ARHGAP20: variants seen among roughly 807,000 people sequenced by gnomAD.
ARHGAP20 encodes rho GTPase-activating protein 20.
Under a neutral mutation model 73.7 loss-of-function variants are expected in ARHGAP20, and 34 were observed. The ratio of observed to expected loss-of-function variants is 0.46; its 90% CI spans 0.35 to 0.61. The LOEUF (loss-of-function observed/expected upper bound fraction) is 0.61. ARHGAP20 is among the 20% of genes least tolerant of loss of function. ARHGAP20 has a pLI of 0.00. For missense variants in ARHGAP20, 1,314 were observed against 1,420.9 expected (o/e 0.92, Z 1.21); for synonymous variants, 523 against 518.2 (o/e 1.01, Z -0.13).
intron 9 of ARHGAP20, among the ~76,000 whole-genome samples, chr11:110,593,107 CAGAT>C (rs999764447): frequency 2.0e-5 from 3 of 152,154 alleles, no homozygotes; most frequent in East Asian, 1.9e-4. Flanking sequence ...AAGATTTTAA[CAGAT>C]AGAGCATCTG....
chr11:110,672,539 T>C (rs1288808592), intron 2 of ARHGAP20, among the ~76,000 whole-genome samples: 1 of 151,956 alleles, frequency 6.6e-6, no homozygotes, highest in Non-Finnish European at 1.5e-5. Context: ...CCGCCCCTCA[T>C]GTTCAAACGA....
At chr11:110,692,277 A>G (rs1437339015) in intron 1 of ARHGAP20, among the ~76,000 whole-genome samples, 2 of 152,148 alleles carry the variant, frequency 1.3e-5, no homozygotes, top group Non-Finnish European at 2.9e-5. Context: ...AAGAGTCTCA[A>G]TACTGAAAGA....
intron 11 of ARHGAP20, 36 bp downstream of exon 11, chr11:110,590,612 A>G: frequency 1.3e-6 from 2 of 1,580,812 alleles, no homozygotes; most frequent in Non-Finnish European, 1.7e-6. Flanking sequence ...CTCTAGAGCT[A>G]CACCATGGGG....
intron 11 of ARHGAP20, chr11:110,589,699 C>T (rs1947772726): frequency 2.0e-6 from 2 of 985,364 alleles, no homozygotes; most frequent in Non-Finnish European, 1.2e-6. Context: ...TTAGAACTCT[C>T]TATCTCTGTA....
intron 1 of ARHGAP20, among the ~76,000 whole-genome samples, chr11:110,701,969 T>C (rs562383046): frequency 3.9e-5 from 6 of 152,348 alleles, no homozygotes; most frequent in Admixed American, 1.3e-4. Flanking sequence ...AGTACCATGC[T>C]GTTTTGGTAA....
intron 2 of ARHGAP20, among the ~76,000 whole-genome samples, chr11:110,684,345 T>C (rs1319511632): frequency 6.6e-6 from 1 of 151,986 alleles, no homozygotes; most frequent in African/African-American, 2.4e-5. Context: ...TTCAAAATTC[T>C]TTCTTAAAAA....
At chr11:110,650,183 G>A in intron 2 of ARHGAP20, among the ~76,000 whole-genome samples, 1 of 152,082 alleles carries the variant, frequency 6.6e-6, no homozygotes, top group Non-Finnish European at 1.5e-5. Context: ...TTCCCCAGCT[G>A]GATGGTAAGC....
chr11:110,682,904 G>C (rs1950063084), intron 2 of ARHGAP20, among the ~76,000 whole-genome samples: 1 of 152,076 alleles, frequency 6.6e-6, no homozygotes, highest in Non-Finnish European at 1.5e-5. Flanking sequence ...AATCAGGATG[G>C]AGTGCCAACA....
At chr11:110,643,361 G>C (rs1161612007) in intron 2 of ARHGAP20, among the ~76,000 whole-genome samples, 1 of 152,062 alleles carries the variant, frequency 6.6e-6, no homozygotes, top group African/African-American at 2.4e-5. Context: ...TGTGACGTTA[G>C]ATTGTTAATT....
Position 110,712,226 on chromosome 11 carries a change from T to C in ARHGAP20, c.6A>G (p.Glu2=). The C allele has an allele frequency of 7.4e-7, 1 of 1,352,098 alleles. No individual in the cohort carries two copies. The highest frequency in any genetic ancestry group is 2.3e-5 in the South Asian group (1 of 44,386). The allele number at this position is 1,352,098 out of a possible 1,614,324, so 83.8% of individuals were successfully genotyped here. M[E]AMSPQQETLG... ...GAGTCTCCTGCTGGGGGGACATCGC[T>C]TCCATGAAGAAAATCTTCAAACAAA... Residue 2 remains glutamate (E), a synonymous_variant, in exon 1 of 15, where the codon GAA becomes GAG. Coordinates refer to ENST00000683387, the MANE Select transcript of ARHGAP20 (RefSeq NM_001384657.1).
intron 3 of ARHGAP20, among the ~76,000 whole-genome samples, chr11:110,624,903 AACTTCAAATGT>A (rs1167610780): frequency 6.6e-6 from 1 of 152,174 alleles, no homozygotes; most frequent in African/African-American, 2.4e-5. Flanking sequence ...TCAAAAACCT[AACTTCAAATGT>A]ACTGCTGTTA....
At chr11:110,694,474 A>G (rs1442973664) in intron 1 of ARHGAP20, among the ~76,000 whole-genome samples, 1 of 151,818 alleles carries the variant, frequency 6.6e-6, no homozygotes, top group Admixed American at 6.6e-5. Flanking sequence ...AATAAAGGTC[A>G]TAACTGAATA....
chr11:110,605,465 C>G (rs1463823649), intron 9 of ARHGAP20, among the ~76,000 whole-genome samples: 2 of 152,090 alleles, frequency 1.3e-5, no homozygotes, highest in African/African-American at 4.8e-5. Context: ...ACTTTAAATG[C>G]ATTAGAGAAG....
chr11:110,684,566 G>A (rs1950095876), intron 2 of ARHGAP20, among the ~76,000 whole-genome samples: 1 of 151,908 alleles, frequency 6.6e-6, no homozygotes, highest in South Asian at 2.1e-4. Context: ...TCCCATTACT[G>A]GATATCTAAA....
chr11:110,621,155 T>A (rs971539784), intron 4 of ARHGAP20, among the ~76,000 whole-genome samples: 8 of 151,558 alleles, frequency 5.3e-5, no homozygotes, highest in Admixed American at 1.3e-4. Context: ...TAATTCAAAT[T>A]GTCATTTTCC....
rs779591475 is a variant in ARHGAP20, at chr11:110,581,162, T to C, written c.1784A>G (p.Asp595Gly). 4.3e-6 allele frequency: 7 copies of C among 1,614,146 alleles called. No homozygotes were observed. In the Admixed American group the frequency reaches 1.2e-4, roughly 27 times the overall value. ...CAAGTCACTGCATGGTGCATCAACA[T>C]CCTCATTTAGCTCATTTTCCAAGCT... ...YDSLENELNEDVDAPCSDLVK... is the reference protein window; with the variant it reads ...YDSLENELNEGVDAPCSDLVK... The change falls in exon 15 of 15, where the codon GAT becomes GGT. Residue 595 changes from aspartate to glycine, a missense_variant. Physicochemically the swap from Asp to Gly is moderately conservative, Grantham distance 94 (BLOSUM62 -1). Coordinates refer to ENST00000683387, the MANE Select transcript of ARHGAP20 (RefSeq NM_001384657.1).
intron 10 of ARHGAP20, among the ~76,000 whole-genome samples, chr11:110,591,026 A>G (rs556068327): frequency 6.6e-6 from 1 of 152,174 alleles, no homozygotes; most frequent in South Asian, 2.1e-4. Flanking sequence ...GGTTGGGGAG[A>G]TGTTGGTCAA....
Position 110,577,212 on chromosome 11 carries a change from A to G in ARHGAP20, c.*2158T>C, listed in dbSNP as rs976852752. 35 of 1,516,850 alleles carry G rather than the reference A, an allele frequency of 2.3e-5. No individual in the cohort carries two copies. Among genetic ancestry groups the G allele is most frequent in the Non-Finnish European group, 2.8e-5 (32 of 1,135,588 alleles). The allele number at this position is 1,516,850 out of a possible 1,614,324, so 94.0% of individuals were successfully genotyped here. A position where few individuals can be genotyped will look rare whatever the true frequency, so the allele number is the denominator to read the frequency against. On this transcript the variant is annotated 3_prime_UTR_variant, in exon 15 of 15. Coordinates refer to ENST00000683387, the MANE Select transcript of ARHGAP20 (RefSeq NM_001384657.1). ...ATATGGTAGTAAAATTTGTCAAGAT[A>G]TATTATACAAACTCAAAGCATTTTA... is the stretch of plus-strand genomic sequence containing the variant.
intron 3 of ARHGAP20, among the ~76,000 whole-genome samples, chr11:110,628,774 G>C (rs1204438028): frequency 6.6e-6 from 1 of 152,158 alleles, no homozygotes; most frequent in East Asian, 1.9e-4. Context: ...ATGGGAAAAA[G>C]TGGTATAACC....
Sources: allele counts gnomAD v4.1 joint callset (sites outside exome capture counted in the v4.1 genomes callset), GRCh38; gene constraint gnomAD v4.1.1; transcripts MANE v1.5; gene names NCBI Gene and HGNC (gene_info 2026-07-23, HGNC 2026-07-21).